The following CEP290 variants were observed in gnomAD, a reference collection of about 807,000 sequenced individuals.
The protein encoded by CEP290 is centrosomal protein 290, also known as centrosomal protein of 290 kDa.
CEP290 carries 317 observed loss-of-function variants against 344.9 expected under a neutral mutation model. That is an observed-to-expected ratio of 0.92 (90% CI 0.84 to 1.01). The LOEUF (loss-of-function observed/expected upper bound fraction) is 1.01. CEP290 is among the 50% of genes least tolerant of loss of function. CEP290 has a pLI of 0.00. For synonymous variants in CEP290, 932 were observed against 895.8 expected (o/e 1.04, Z -0.72); for missense variants, 2,754 against 2,761.4 (o/e 1.00, Z 0.06).
chr12:88,053,625 G>A (rs1302036916), intron 52 of CEP290, 27 bp downstream of exon 52: 2 of 1,200,318 alleles, frequency 1.7e-6, no homozygotes, highest in Non-Finnish European at 2.4e-6. Flanking sequence ...CTTGGGGGTA[G>A]CTAACATGTT....
intron 27 of CEP290, among the ~76,000 whole-genome samples, chr12:88,095,884 CAA>C (rs1334733346): frequency 2.6e-5 from 4 of 152,010 alleles, no homozygotes; most frequent in African/African-American, 9.7e-5. Flanking sequence ...ATGAGAGCAA[CAA>C]AGATTTCAAT....
Position 88,061,000 on chromosome 12 carries a change from A to T in CEP290, c.6358-6T>A. On this transcript the variant is annotated splice_region_variant and splice_polypyrimidine_tract_variant and intron_variant, in intron 46 of 53. Transcript: ENST00000552810. ...GTCTTTCCACTTCTACCAGACTACG[A>T]AAGAATATGTTAAATCTTTAATCAA... The T allele has an allele frequency of 6.5e-7, 1 of 1,535,132 alleles. No individual in the cohort carries two copies. Among genetic ancestry groups the T allele is most frequent in the South Asian group, 1.3e-5 (1 of 78,964 alleles).
At chr12:88,105,387 T>G (rs1028914126) in intron 25 of CEP290, among the ~76,000 whole-genome samples, 1 of 152,154 alleles carries the variant, frequency 6.6e-6, no homozygotes, top group Non-Finnish European at 1.5e-5. Context: ...AAGCAGGTAG[T>G]GCAGAGTACA....
Position 88,136,757 on chromosome 12 carries a change from A to T in CEP290, c.327T>A (p.Asp109Glu). The T allele has an allele frequency of 3.7e-6, 6 of 1,613,770 alleles. No homozygotes were observed. Among genetic ancestry groups the T allele is most frequent in the Non-Finnish European group, 5.1e-6 (6 of 1,179,770 alleles). ...EMAQQSAGGR[D>E]TRFLRNEICQ... is the part of the protein sequence containing the mutation. Reference sequence around the variant, plus strand: ...AAATTTCATTACGTAAAAACCGAGTATCTCGTCCACCTGCAGACTGCTGAG... The same window carrying T: ...AAATTTCATTACGTAAAAACCGAGTTTCTCGTCCACCTGCAGACTGCTGAG... Residue 109 changes from aspartate to glutamate, a missense_variant, in exon 6 of 54, where the codon GAT (aspartate) becomes GAA (glutamate). Physicochemically the swap from Asp to Glu is conservative, Grantham distance 45. Transcript: ENST00000552810.
chr12:88,058,627 C>T, intron 49 of CEP290: 1 of 571,242 alleles, frequency 1.8e-6, no homozygotes, highest in Non-Finnish European at 3.1e-6. Context: ...CTACACTGTT[C>T]CATGCCCTGC....
chr12:88,097,079 T>C, intron 26 of CEP290, 80 bp from the exon 27 acceptor site: 1 of 722,520 alleles, frequency 1.4e-6, no homozygotes, highest in Non-Finnish European at 2.3e-6. Context: ...CTTAACTTTA[T>C]ATAACATCTC....
At chr12:88,050,914 A>G (rs1025193583) in intron 52 of CEP290, among the ~76,000 whole-genome samples, 3 of 152,168 alleles carry the variant, frequency 2.0e-5, no homozygotes, top group African/African-American at 7.2e-5. Flanking sequence ...TAATACAAAG[A>G]TAAGTAAGAC....
chr12:88,116,480 G>T (rs1565893513), intron 18 of CEP290, among the ~76,000 whole-genome samples: 1 of 152,026 alleles, frequency 6.6e-6, no homozygotes, highest in East Asian at 1.9e-4. Context: ...CTGACTGTGG[G>T]GTATTGAATG....
Position 88,049,390 on chromosome 12 carries a change from CT to C in CEP290, c.7233del (p.Glu2412AsnfsTer24), listed in dbSNP as rs2033254449. The part of the protein sequence containing the change: ...HLKEEIKKLK[K>X]ELENFDPSFF... Reference sequence around the variant, plus strand: ...AATGAAGGATCAAAATTTTCCAGTTCTTTTTTCAGCTTCTTTATTTCCTCCT... The same window carrying C: ...AATGAAGGATCAAAATTTTCCAGTTCTTTTTCAGCTTCTTTATTTCCTCCT... On this transcript the variant is annotated frameshift_variant, in exon 54 of 54. Coordinates refer to ENST00000552810, the MANE Select transcript of CEP290 (RefSeq NM_025114.4). LOFTEE classifies it high-confidence loss of function. 1 of 1,502,500 alleles carries C rather than the reference CT, an allele frequency of 6.7e-7. No individual in the cohort carries two copies. 93.1% of individuals were successfully genotyped at this position (1,502,500 alleles called of 1,614,324 possible).
At chr12:88,105,205 G>A (rs1012467347) in intron 25 of CEP290, among the ~76,000 whole-genome samples, 1 of 152,106 alleles carries the variant, frequency 6.6e-6, no homozygotes, top group Non-Finnish European at 1.5e-5. Flanking sequence ...TTGAGGCTTC[G>A]TTCAAAAGAC....
At chr12:88,130,074 G>A (rs1163911283) in intron 9 of CEP290, among the ~76,000 whole-genome samples, 194 bp downstream of exon 9, 1 of 151,956 alleles carries the variant, frequency 6.6e-6, no homozygotes, top group Admixed American at 6.6e-5. Flanking sequence ...TGTTCTTAAT[G>A]ACCAAGACAG....
intron 32 of CEP290, among the ~76,000 whole-genome samples, 183 bp downstream of exon 32, chr12:88,087,597 G>C (rs2036682688): frequency 1.3e-5 from 2 of 151,536 alleles, no homozygotes; most frequent in Non-Finnish European, 1.5e-5. Flanking sequence ...GCGGGTGCCT[G>C]TAGTCCCAGC....
At position 88,065,377 on chromosome 12, in the gene CEP290, C is replaced by A. The variant is rs146807139; in HGVS notation, c.6136-1262G>T. ...GATGTGTGTGCACATGCACATATGT[C>A]GTAGCAAAAAAAAGAAGACAAACAT... On this transcript the variant is annotated intron_variant, in intron 44 of 53. Transcript: ENST00000552810. Among the ~76,000 whole-genome samples, 1,146 of 151,828 alleles carry A rather than the reference C, an allele frequency of 7.5e-3. 20 individuals are homozygous for A. Among genetic ancestry groups the A allele is most frequent in the African/African-American group, 0.027 (1,100 of 41,466 alleles).
chr12:88,102,970 TACA>T lies in CEP290; in HGVS notation c.2856_2858del (p.Val953del). 1.5e-5 allele frequency: 24 copies of T among 1,580,604 alleles called. No homozygotes were observed. The highest frequency in any genetic ancestry group is 1.9e-5 in the Non-Finnish European group (22 of 1,168,266). ...GTTCAGACAAAGAAACACTATTATC[TACA>T]ACTTTTTGGAGAGCTGCAATCTTGA... On this transcript the variant is annotated inframe_deletion, in exon 26 of 54. Coordinates refer to ENST00000552810, the MANE Select transcript of CEP290 (RefSeq NM_025114.4).
chr12:88,078,514 G>T (rs1179567589), intron 39 of CEP290, among the ~76,000 whole-genome samples: 2 of 152,040 alleles, frequency 1.3e-5, no homozygotes, highest in Non-Finnish European at 2.9e-5. Flanking sequence ...GTTTGGTGAG[G>T]TGCAGAGGAA....
chr12:88,124,132 A>T (rs951395586), intron 13 of CEP290, among the ~76,000 whole-genome samples: 2 of 152,026 alleles, frequency 1.3e-5, no homozygotes, highest in Non-Finnish European at 2.9e-5. Flanking sequence ...CCTAAGTCAA[A>T]TTATATCATT....
intron 37 of CEP290, among the ~76,000 whole-genome samples, 167 bp from the exon 38 acceptor site, chr12:88,080,562 T>G (rs1424043160): frequency 6.6e-6 from 1 of 152,174 alleles, no homozygotes; most frequent in East Asian, 1.9e-4. Context: ...CCTGAGTAGC[T>G]GGGACTACGG....
At chr12:88,094,085 A>AATGT in intron 27 of CEP290, 110 bp from the exon 28 acceptor site, 2 of 820,926 alleles carry the variant, frequency 2.4e-6, no homozygotes, top group Non-Finnish European at 3.7e-6. Flanking sequence ...AAAGCACATT[A>AATGT]GCTTTCTGAA....
Position 88,077,291 on chromosome 12 carries a change from T to C in CEP290, c.5640A>G (p.Lys1880=), listed in dbSNP as rs1225010541. 6 of 1,601,468 alleles carry C rather than the reference T, an allele frequency of 3.7e-6. No individual in the cohort carries two copies. The highest frequency in any genetic ancestry group is 5.1e-6 in the Non-Finnish European group (6 of 1,174,010). The part of the protein sequence containing the change: ...KQSLIEELQR[K]VKKLENQLEG... Reference sequence around the variant, plus strand: ...CTAATTGGTTCTCTAGTTTTTTAACTTTCCTTTGGAGTTCTTCAATTAGAC... The same window carrying C: ...CTAATTGGTTCTCTAGTTTTTTAACCTTCCTTTGGAGTTCTTCAATTAGAC... Residue 1880 remains lysine, a synonymous_variant, in exon 41 of 54, where the codon AAA becomes AAG. Transcript: ENST00000552810.
Sources: gnomAD v4.1 joint callset for allele counts (sites outside exome capture counted in the v4.1 genomes callset) on GRCh38, gnomAD v4.1.1 for gene constraint, MANE v1.5 for transcripts, NCBI Gene and HGNC (gene_info 2026-07-23, HGNC 2026-07-21) for gene names.